The following CFAP61 variants were observed in gnomAD, a reference collection of about 807,000 sequenced individuals.
CFAP61 encodes cilia and flagella associated protein 61, also known as cilia- and flagella-associated protein 61.
Under a neutral mutation model 135.6 loss-of-function variants are expected in CFAP61, and 107 were observed. The observed-to-expected ratio is 0.79, with a 90% confidence interval of 0.67 to 0.93. The LOEUF is 0.93. Among genes scored for constraint, CFAP61 ranks in the 40% least tolerant of loss-of-function variants. The pLI, the probability that CFAP61 is intolerant of heterozygous loss-of-function variation, is 0.00. For synonymous variants in CFAP61, 575 were observed against 578.5 expected (o/e 0.99, Z 0.09); for missense variants, 1,507 against 1,556.2 (o/e 0.97, Z 0.53).
intron 17 of CFAP61, among the ~76,000 whole-genome samples, chr20:20,225,788 A>C (rs1249664514): frequency 6.6e-6 from 1 of 152,066 alleles, no homozygotes; most frequent in Non-Finnish European, 1.5e-5. Context: ...TATGCTTCCC[A>C]CCTTCCTTGC....
chr20:20,113,188 A>T (rs527776138), intron 8 of CFAP61, among the ~76,000 whole-genome samples: 6 of 152,184 alleles, frequency 3.9e-5, no homozygotes, highest in Non-Finnish European at 8.8e-5. Flanking sequence ...GCTTACTATG[A>T]TATTCAAATC....
chr20:20,300,125 G>A (rs1285415976), intron 25 of CFAP61, among the ~76,000 whole-genome samples: 1 of 152,174 alleles, frequency 6.6e-6, no homozygotes, highest in African/African-American at 2.4e-5. Context: ...GTGATGCTGG[G>A]TCAACAAACC....
chr20:20,191,509 A>G (rs886629383), intron 15 of CFAP61, 90 bp downstream of exon 15: 2 of 862,636 alleles, frequency 2.3e-6, no homozygotes, highest in African/African-American at 3.4e-5. Context: ...TTGTACTTTT[A>G]CTTATTTAAT....
chr20:20,197,619 A>G (rs948418135), intron 16 of CFAP61, among the ~76,000 whole-genome samples: 3 of 151,488 alleles, frequency 2.0e-5, no homozygotes, highest in African/African-American at 7.3e-5. Context: ...TCACACATAT[A>G]CTCACCCCCC....
At position 20,052,565 on chromosome 20, in the gene CFAP61, G is replaced by T; in HGVS notation, c.-63G>T. On this transcript the variant is annotated 5_prime_UTR_variant, in exon 1 of 27. Coordinates refer to ENST00000245957, the MANE Select transcript of CFAP61 (RefSeq NM_015585.4). Reference sequence around the variant, plus strand: ...CGTCCTCCTTGCGGCAGCGCGTGGAGTGCGGCGTCCTGGAGCTGCGGATGA... The same window carrying T: ...CGTCCTCCTTGCGGCAGCGCGTGGATTGCGGCGTCCTGGAGCTGCGGATGA... 2 of 1,613,952 alleles carry T rather than the reference G, an allele frequency of 1.2e-6. No individual in the cohort carries two copies. The highest frequency in any genetic ancestry group is 1.1e-5 in the South Asian group (1 of 91,078).
At chr20:20,328,544 A>C (rs972421818) in intron 25 of CFAP61, among the ~76,000 whole-genome samples, 1 of 152,224 alleles carries the variant, frequency 6.6e-6, no homozygotes, top group Admixed American at 6.5e-5. Context: ...GTGGGTCTAC[A>C]TCAAACTAAA....
intron 26 of CFAP61, among the ~76,000 whole-genome samples, chr20:20,342,235 G>A (rs958021347): frequency 5.9e-5 from 9 of 152,124 alleles, no homozygotes; most frequent in Non-Finnish European, 1.3e-4. Flanking sequence ...AAGAACGAAC[G>A]TTGCATTCCT....
intron 25 of CFAP61, among the ~76,000 whole-genome samples, chr20:20,304,893 G>A (rs1178253036): frequency 6.6e-6 from 1 of 151,886 alleles, no homozygotes; most frequent in Non-Finnish European, 1.5e-5. Flanking sequence ...CCCACTTATC[G>A]ATGACCCTGC....
chr20:20,153,258 C>A (rs1163455465), intron 9 of CFAP61, among the ~76,000 whole-genome samples: 1 of 152,114 alleles, frequency 6.6e-6, no homozygotes, highest in African/African-American at 2.4e-5. Context: ...TAAATGCCTA[C>A]ATCGAAAAGT....
chr20:20,206,630 A>G (rs1034594937), intron 17 of CFAP61, among the ~76,000 whole-genome samples: 2 of 152,084 alleles, frequency 1.3e-5, no homozygotes, highest in African/African-American at 4.8e-5. Flanking sequence ...TATTGTGTGG[A>G]TAATACTATA....
Position 20,166,404 on chromosome 20 carries a change from G to A in CFAP61, c.1213G>A (p.Asp405Asn). ...IDEKYEARSL[D>N]FMNFVFSLFS... The stretch of plus-strand genomic sequence containing the variant: ...TTACTGTCTTGTTTACAGGTCGCTG[G>A]ATTTTATGAATTTTGTTTTCAGTCT... The change falls in exon 12 of 27, where the codon GAT (aspartate) becomes AAT (asparagine). Residue 405 changes from aspartate to asparagine, a missense_variant. Asp to Asn is a conservative substitution (Grantham distance 23, BLOSUM62 1). Coordinates refer to ENST00000245957, the MANE Select transcript of CFAP61 (RefSeq NM_015585.4). The A allele has an allele frequency of 6.2e-7, 1 of 1,613,724 alleles. No homozygotes were observed. The highest frequency in any genetic ancestry group is 2.2e-5 in the East Asian group (1 of 44,852).
intron 24 of CFAP61, among the ~76,000 whole-genome samples, chr20:20,293,461 C>T (rs1329892580): frequency 6.6e-6 from 1 of 152,108 alleles, no homozygotes; most frequent in African/African-American, 2.4e-5. Context: ...AGGATGGCTC[C>T]ATGGCAATCT....
intron 20 of CFAP61, among the ~76,000 whole-genome samples, chr20:20,253,118 A>G (rs779834091): frequency 1.3e-5 from 2 of 151,928 alleles, no homozygotes; most frequent in Non-Finnish European, 2.9e-5. Flanking sequence ...GCAGGAGGCC[A>G]TGGGATGGGG....
At chr20:20,257,931 G>A (rs1022795892) in intron 20 of CFAP61, among the ~76,000 whole-genome samples, 1 of 152,118 alleles carries the variant, frequency 6.6e-6, no homozygotes, top group African/African-American at 2.4e-5. Flanking sequence ...AGAATCCTTT[G>A]AAACAGCATG....
In CFAP61 at chr20:20,066,549, C is replaced by G. The variant is rs531392282; in HGVS notation, c.144-4305C>G. On this transcript the variant is annotated intron_variant, in intron 2 of 26. Transcript: ENST00000245957. ...GCAGGGACATGGATGACGCTGGAAACCATCATTCTCAGCAAACTATCACAA... is the reference window on the plus strand; with the variant it reads ...GCAGGGACATGGATGACGCTGGAAAGCATCATTCTCAGCAAACTATCACAA... Among the ~76,000 whole-genome samples the G allele has an allele frequency of 4.3e-4, 65 of 152,200 alleles. 1 individual carries two copies. In the East Asian group the frequency reaches 0.012, roughly 29 times the overall value.
At chr20:20,287,292 G>A (rs943291152) in intron 22 of CFAP61, among the ~76,000 whole-genome samples, 1 of 152,196 alleles carries the variant, frequency 6.6e-6, no homozygotes, top group African/African-American at 2.4e-5. Flanking sequence ...ATCTCCCTGA[G>A]GGAGGACCAA....
At chr20:20,110,559 T>A (rs1253503044) in intron 8 of CFAP61, among the ~76,000 whole-genome samples, 2 of 152,196 alleles carry the variant, frequency 1.3e-5, no homozygotes, top group African/African-American at 4.8e-5. Context: ...TCAAAAAGAC[T>A]TTTAAACATT....
At chr20:20,275,460 T>C (rs2053682781) in intron 21 of CFAP61, among the ~76,000 whole-genome samples, 2 of 152,246 alleles carry the variant, frequency 1.3e-5, no homozygotes, top group South Asian at 2.1e-4. Flanking sequence ...TTTTACAAAA[T>C]GTATTACCTT....
At chr20:20,198,523 T>A (rs558161207) in intron 16 of CFAP61, among the ~76,000 whole-genome samples, 1 of 152,358 alleles carries the variant, frequency 6.6e-6, no homozygotes, top group Admixed American at 6.5e-5. Context: ...TGATTTCACA[T>A]ATTCATTTAA....
Sources: gnomAD v4.1 joint callset for allele counts (sites outside exome capture counted in the v4.1 genomes callset) on GRCh38, gnomAD v4.1.1 for gene constraint, MANE v1.5 for transcripts, NCBI Gene and HGNC (gene_info 2026-07-23, HGNC 2026-07-21) for gene names.